BRCA1: variants seen among roughly 807,000 people sequenced by gnomAD.
BRCA1 encodes BRCA1 DNA repair associated.
In BRCA1, 140 loss-of-function variants were observed where a neutral mutation model predicts 173.7. The observed-to-expected ratio is 0.81, with a 90% CI of 0.70 to 0.93. The LOEUF (loss-of-function observed/expected upper bound fraction) is 0.93, where lower values mean the gene tolerates loss of function less well. BRCA1 is among the 40% of genes least tolerant of loss of function. The pLI is 0.00. For missense variants in BRCA1, 1,983 were observed against 2,172.5 expected (o/e 0.91, Z 1.73); for synonymous variants, 662 against 756.0 (o/e 0.88, Z 2.04).
At chr17:43,064,312 T>A (rs576228200) in intron 16 of BRCA1, among the ~76,000 whole-genome samples, 2 of 152,298 alleles carry the variant, frequency 1.3e-5, no homozygotes, top group South Asian at 4.1e-4. Context: ...ACGGAGAACA[T>A]CTATATTACT....
At chr17:43,153,918 G>A (rs2056179654) in intron 1 of BRCA1, among the ~76,000 whole-genome samples, 1 of 152,208 alleles carries the variant, frequency 6.6e-6, no homozygotes, top group African/African-American at 2.4e-5. Flanking sequence ...TGGGCGTGGT[G>A]CCTCATGCTT....
chr17:43,138,585 C>T, intron 1 of BRCA1: 1 of 723,596 alleles, frequency 1.4e-6, no homozygotes, highest in Non-Finnish European at 2.6e-6. Flanking sequence ...GGCTCCCCAC[C>T]ATGCCTGGAT....
intron 1 of BRCA1, chr17:43,138,858 G>A: frequency 1.3e-6 from 1 of 778,900 alleles, no homozygotes; most frequent in South Asian, 1.3e-5. Context: ...CCGTGGGGCT[G>A]CAAGGACCTC....
intron 10 of BRCA1, 51 bp from the exon 11 acceptor site, chr17:43,091,083 G>A (rs2154260358): frequency 2.0e-6 from 3 of 1,485,992 alleles, no homozygotes; most frequent in Admixed American, 1.8e-5. Flanking sequence ...TATAAACGCT[G>A]CAACTTGCTG....
At chr17:43,145,626 TC>T (rs1196220693) in intron 1 of BRCA1, among the ~76,000 whole-genome samples, 5 of 152,184 alleles carry the variant, frequency 3.3e-5, no homozygotes, top group Admixed American at 3.3e-4. Context: ...GCGCCCGGCC[TC>T]CAGAGGAATA....
At chr17:43,168,474 C>A (rs2056283345) in intron 1 of BRCA1, among the ~76,000 whole-genome samples, 1 of 152,052 alleles carries the variant, frequency 6.6e-6, no homozygotes, top group Admixed American at 6.5e-5. Context: ...CTCGTTTCTA[C>A]TAAAAATACA....
At chr17:43,120,769 A>C (rs753642272) in intron 2 of BRCA1, among the ~76,000 whole-genome samples, 7 of 149,412 alleles carry the variant, frequency 4.7e-5, no homozygotes, top group Non-Finnish European at 8.9e-5. Flanking sequence ...CGTCTCAAAA[A>C]CAAAACAAAC....
chr17:43,121,491 C>T (rs1290148665), intron 2 of BRCA1, among the ~76,000 whole-genome samples: 2 of 151,994 alleles, frequency 1.3e-5, no homozygotes, highest in Non-Finnish European at 1.5e-5. Flanking sequence ...TCGAGACCAA[C>T]CTGACCAATA....
chr17:43,129,198 A>G (rs1376129530), upstream of BRCA1, among the ~76,000 whole-genome samples: 1 of 152,244 alleles, frequency 6.6e-6, no homozygotes, highest in Non-Finnish European at 1.5e-5. Context: ...TGTAGACCTA[A>G]GGAGCAGGTA....
chr17:43,067,203 A>G (rs1210237450), intron 16 of BRCA1: 2 of 198,004 alleles, frequency 1.0e-5, no homozygotes, highest in African/African-American at 4.8e-5. Flanking sequence ...TTGATTGACT[A>G]TTAGAAGACT....
intron 20 of BRCA1, 81 bp downstream of exon 20, chr17:43,050,982 A>C: frequency 1.2e-5 from 17 of 1,372,522 alleles, no homozygotes; most frequent in Non-Finnish European, 1.8e-5. Context: ...AGGAACCCCC[A>C]TCGTGGGATC....
rs80357290 is a variant in BRCA1, at chr17:43,091,950, G to A, written c.3581C>T (p.Thr1194Ile). The A allele has an allele frequency of 7.4e-6, 12 of 1,614,060 alleles. No individual in the cohort carries two copies. Among genetic ancestry groups the A allele is most frequent in the Non-Finnish European group, 9.3e-6 (11 of 1,179,996 alleles). ...GTAACCCTGAGCCAAATGTGTATGG[G>A]TGAAAGGGCTAGGACTCCTGCTAAG... The part of the protein sequence containing the change: ...GELSRSPSPF[T>I]HTHLAQGYRR... The change falls in exon 10 of 23, where the codon ACC (threonine) becomes ATC (isoleucine). Residue 1194 changes from threonine (T) to isoleucine (I), a missense_variant. Coordinates refer to ENST00000357654, the MANE Select transcript of BRCA1 (RefSeq NM_007294.4).
Position 43,044,720 on chromosome 17 carries a change from A to G in BRCA1, c.*958T>C, listed in dbSNP as rs1355589573. 2.0e-6 allele frequency: 1 copy of G among 505,622 alleles called. No individual in the cohort carries two copies. Among genetic ancestry groups the G allele is most frequent in the Non-Finnish European group, 3.9e-6 (1 of 258,422 alleles). 31.3% of individuals were successfully genotyped at this position (505,622 alleles called of 1,614,324 possible). A position where few individuals can be genotyped will look rare whatever the true frequency, so the allele number is the denominator to read the frequency against. ...TGTCTTTGGAAACCGGTTCTTGAAA[A>G]TCTTCTGCTGTTTTAGAACACATTC... is the stretch of plus-strand genomic sequence containing the variant. On this transcript the variant is annotated 3_prime_UTR_variant, in exon 23 of 23. Transcript: ENST00000357654.
intron 11 of BRCA1, among the ~76,000 whole-genome samples, chr17:43,089,697 A>G (rs377647919): frequency 6.6e-6 from 1 of 151,526 alleles, no homozygotes; most frequent in Admixed American, 6.6e-5. Context: ...TAAAGAAAAA[A>G]GATGATTTAT....
chr17:43,141,766 C>G (rs917020395), intron 1 of BRCA1, among the ~76,000 whole-genome samples: 1 of 149,276 alleles, frequency 6.7e-6, no homozygotes, highest in Non-Finnish European at 1.5e-5. Context: ...GAGCCGAGAT[C>G]GCACCACTGC....
At chr17:43,063,443 G>GAACGTGCTCTTT in intron 17 of BRCA1, 70 bp from the exon 18 acceptor site, 1 of 1,300,856 alleles carries the variant, frequency 7.7e-7, no homozygotes, top group Non-Finnish European at 1.1e-6. Flanking sequence ...AGATAGAGAG[G>GAACGTGCTCTTT]TCAGCGATTC....
Position 43,092,434 on chromosome 17 carries a change from C to T in BRCA1, c.3097G>A (p.Glu1033Lys), listed in dbSNP as rs273899698. The change falls in exon 10 of 23, where the codon GAA (glutamate) becomes AAA (lysine). Residue 1033 changes from glutamate (E) to lysine (K), a missense_variant. Transcript: ENST00000357654. ...VSTISRNNIR[E>K]NVFKEASSSN... ...GAGCTGGCTTCTTTAAAAACATTTT[C>T]TCTAATGTTATTACGGCTAATTGTG... 1 of 1,613,946 alleles carries T rather than the reference C, an allele frequency of 6.2e-7. No individual in the cohort carries two copies. Among genetic ancestry groups the T allele is most frequent in the African/African-American group, 1.3e-5 (1 of 75,014 alleles).
chr17:43,096,529 G>A (rs143921429), intron 8 of BRCA1, among the ~76,000 whole-genome samples: 3 of 143,310 alleles, frequency 2.1e-5, no homozygotes, highest in Non-Finnish European at 3.0e-5. Flanking sequence ...CCGAGATGGC[G>A]CCACTACACT....
intron 1 of BRCA1, among the ~76,000 whole-genome samples, chr17:43,158,470 TA>T (rs2056211810): frequency 1.3e-5 from 2 of 152,214 alleles, no homozygotes; most frequent in African/African-American, 4.8e-5. Context: ...GCATTTTCCT[TA>T]ATCTGATTGA....
Sources: gnomAD v4.1 joint callset for allele counts (sites outside exome capture counted in the v4.1 genomes callset) on GRCh38, gnomAD v4.1.1 for gene constraint, MANE v1.5 for transcripts, NCBI Gene and HGNC (gene_info 2026-07-23, HGNC 2026-07-21) for gene names.